NKAIN2: variants seen among roughly 807,000 people sequenced by gnomAD.
The protein encoded by NKAIN2 is sodium/potassium transporting ATPase interacting 2, also known as sodium/potassium-transporting ATPase subunit beta-1-interacting protein 2.
A neutral mutation model predicts 32.6 loss-of-function variants in NKAIN2; 14 were observed. That is an observed-to-expected ratio of 0.43 (90% CI 0.28 to 0.67). The LOEUF (loss-of-function observed/expected upper bound fraction) is 0.67, where lower values mean the gene tolerates loss of function less well. Among genes scored for constraint, NKAIN2 ranks in the 30% least tolerant of loss-of-function variants. The pLI, the probability that NKAIN2 is intolerant of heterozygous loss-of-function variation, is 0.17. For synonymous variants in NKAIN2, 80 were observed against 87.2 expected, an observed-to-expected ratio of 0.92 and a Z score of 0.46; for missense variants, 198 against 258.3, an observed-to-expected ratio of 0.77 and a Z score of 1.60.
chr6:123,990,596 C>T (rs955236897), intron 1 of NKAIN2, among the ~76,000 whole-genome samples: 2 of 152,144 alleles, frequency 1.3e-5, no homozygotes, highest in African/African-American at 4.8e-5. Context: ...GGCTCTGACA[C>T]TGACAGTGGT....
intron 3 of NKAIN2, among the ~76,000 whole-genome samples, chr6:124,476,820 T>C (rs974133386): frequency 1.3e-5 from 2 of 152,150 alleles, no homozygotes; most frequent in Admixed American, 6.5e-5. Context: ...ACATGTGACA[T>C]TGAGGCACAG....
rs1196118119 is a variant in NKAIN2 at position 124,175,263 on chromosome 6, C to CA, written c.55-107741dup. 3.3e-5 allele frequency among the ~76,000 whole-genome samples: 5 copies of CA among 152,242 alleles called. No individual in the cohort carries two copies. The East Asian group carries it at 9.7e-4, about 29-fold the overall frequency. ...ACCCTGAGTGACAGATCTACACTCA[C>CA]ACAGACTGCATACTAGGCTGCACAT... is the stretch of plus-strand genomic sequence containing the variant. On this transcript the variant is annotated intron_variant, in intron 1 of 6. Transcript: ENST00000368417.
intron 1 of NKAIN2, among the ~76,000 whole-genome samples, chr6:124,178,299 CT>C (rs71021481): frequency 0.56 from 78,288 of 139,036 alleles, 23,316 homozygotes; most frequent in Non-Finnish European, 0.7. Context: ...CGTACATTAA[CT>C]TTTTTTTTTT....
At chr6:124,282,591 A>C (rs976557070) in intron 1 of NKAIN2, among the ~76,000 whole-genome samples, 1 of 152,218 alleles carries the variant, frequency 6.6e-6, no homozygotes, top group Non-Finnish European at 1.5e-5. Flanking sequence ...TTTCCTCCAC[A>C]TCAAACTTCC....
chr6:124,500,030 G>A (rs1256195383), intron 3 of NKAIN2, among the ~76,000 whole-genome samples: 1 of 152,134 alleles, frequency 6.6e-6, no homozygotes, highest in Non-Finnish European at 1.5e-5. Flanking sequence ...CTATTACTAT[G>A]TTTCACTTTT....
chr6:124,710,396 T>C (rs1346060338), intron 4 of NKAIN2, among the ~76,000 whole-genome samples: 1 of 151,328 alleles, frequency 6.6e-6, no homozygotes, highest in Admixed American at 6.6e-5. Flanking sequence ...GTTGACTTTC[T>C]GTCTCGTTGA....
At chr6:124,571,048 G>T (rs534709288) in intron 3 of NKAIN2, among the ~76,000 whole-genome samples, 1 of 152,266 alleles carries the variant, frequency 6.6e-6, no homozygotes, top group East Asian at 1.9e-4. Context: ...TTTAAAATTT[G>T]ACTGGCTCAC....
At chr6:124,207,868 GCAGA>G (rs1207508675) in intron 1 of NKAIN2, among the ~76,000 whole-genome samples, 4 of 151,812 alleles carry the variant, frequency 2.6e-5, no homozygotes, top group African/African-American at 9.7e-5. Flanking sequence ...AATTTGAGAT[GCAGA>G]CAATTAAATA....
chr6:123,834,435 A>G (rs902026416), intron 1 of NKAIN2, among the ~76,000 whole-genome samples: 14 of 152,096 alleles, frequency 9.2e-5, no homozygotes, highest in Non-Finnish European at 7.4e-5. Context: ...GATTACAGGT[A>G]TGAGCCACCA....
chr6:124,238,604 C>T (rs749749492), intron 1 of NKAIN2, among the ~76,000 whole-genome samples: 10 of 152,080 alleles, frequency 6.6e-5, no homozygotes, highest in African/African-American at 9.7e-5. Context: ...ACACAGAAGG[C>T]GGGTGATTTC....
chr6:124,124,845 A>C (rs960792829), intron 1 of NKAIN2, among the ~76,000 whole-genome samples: 1 of 152,150 alleles, frequency 6.6e-6, no homozygotes, highest in Non-Finnish European at 1.5e-5. Flanking sequence ...GCAGTTGGCT[A>C]TTCTTTTCAG....
intron 4 of NKAIN2, among the ~76,000 whole-genome samples, chr6:124,744,339 T>C (rs997748234): frequency 1.3e-5 from 2 of 151,904 alleles, no homozygotes; most frequent in Non-Finnish European, 2.9e-5. Context: ...ATTTAGTTTA[T>C]AAGACCATCT....
intron 2 of NKAIN2, among the ~76,000 whole-genome samples, chr6:124,324,218 G>C (rs747310887): frequency 1.3e-5 from 2 of 152,024 alleles, no homozygotes; most frequent in African/African-American, 4.8e-5. Context: ...TCTTTACTAC[G>C]ATGAGTCTTT....
intron 1 of NKAIN2, among the ~76,000 whole-genome samples, chr6:123,892,519 C>T (rs1294170517): frequency 6.6e-6 from 1 of 151,666 alleles, no homozygotes; most frequent in East Asian, 2.0e-4. Context: ...GAAACCACCC[C>T]CATGATCCAA....
intron 3 of NKAIN2, among the ~76,000 whole-genome samples, chr6:124,511,954 A>G (rs1288692207): frequency 1.3e-5 from 2 of 152,186 alleles, no homozygotes; most frequent in Non-Finnish European, 2.9e-5. Flanking sequence ...CTTTCGATGT[A>G]TTTATAAAAC....
rs1774740685 is a variant in NKAIN2, at chr6:123,838,844, A to G, written c.54+34590A>G. Among the ~76,000 whole-genome samples, 3 of 152,344 alleles carry G rather than the reference A, an allele frequency of 2.0e-5. No individual in the cohort carries two copies. In the South Asian group the frequency reaches 6.2e-4, roughly 32 times the overall value. ...GTGAGATTTCACCCTGTATGCTAGA[A>G]AAAGGCAATTTACCTCCTAAGGTTA... On this transcript the variant is annotated intron_variant, in intron 1 of 6. Transcript: ENST00000368417.
chr6:124,220,012 T>G (rs1582871103), intron 1 of NKAIN2, among the ~76,000 whole-genome samples: 1 of 152,262 alleles, frequency 6.6e-6, no homozygotes, highest in East Asian at 1.9e-4. Context: ...AGCATGAAAT[T>G]TAATGGCTTT....
At chr6:123,872,816 A>C (rs755764251) in intron 1 of NKAIN2, among the ~76,000 whole-genome samples, 2 of 152,176 alleles carry the variant, frequency 1.3e-5, no homozygotes, top group Non-Finnish European at 1.5e-5. Flanking sequence ...ACATTATTAA[A>C]ATTGTCTAAA....
At chr6:124,383,361 A>C (rs1473975412) in intron 3 of NKAIN2, among the ~76,000 whole-genome samples, 1 of 152,186 alleles carries the variant, frequency 6.6e-6, no homozygotes, top group African/African-American at 2.4e-5. Flanking sequence ...AAAAGGGCAG[A>C]TTGTATAAGG....
Sources: allele counts gnomAD v4.1 joint callset (sites outside exome capture counted in the v4.1 genomes callset), GRCh38; gene constraint gnomAD v4.1.1; transcripts MANE v1.5; gene names NCBI Gene and HGNC (gene_info 2026-07-23, HGNC 2026-07-21).